The following EGLN3 variants were observed in gnomAD, a reference collection of about 807,000 sequenced individuals.
The protein encoded by EGLN3 is prolyl hydroxylase EGLN3.
Under a neutral mutation model 26.0 loss-of-function variants are expected in EGLN3, and 15 were observed. The ratio of observed to expected loss-of-function variants is 0.58; its 90% CI spans 0.39 to 0.89. The LOEUF is 0.89. EGLN3 is among the 40% of genes least tolerant of loss of function. EGLN3 has a pLI of 0.00. For missense variants in EGLN3, 238 were observed against 311.6 expected (o/e 0.76, Z 1.78); for synonymous variants, 147 against 127.2 (o/e 1.16, Z -1.05).
intron 1 of EGLN3, among the ~76,000 whole-genome samples, chr14:33,936,603 A>G (rs979996094): frequency 2.8e-4 from 42 of 152,100 alleles, no homozygotes; most frequent in Non-Finnish European, 6.0e-4. Flanking sequence ...CCATTTGGTA[A>G]TTCATCTGAG....
rs1357592178 is a variant in EGLN3, at chr14:33,927,010, A to G, written c.638T>C (p.Phe213Ser). 3.1e-6 allele frequency: 5 copies of G among 1,610,190 alleles called. No homozygotes were observed. Among genetic ancestry groups the G allele is most frequent in the Non-Finnish European group, 3.4e-6 (4 of 1,178,350 alleles). ...ATRYAMTVWYFDAEERAEAKK... is the reference protein window; with the variant it reads ...ATRYAMTVWYSDAEERAEAKK... ...GGCTTCTGCCCTTTCTTCAGCATCAAAGTACCAGACAGTCATAGCATATCT... is the reference window on the plus strand; with the variant it reads ...GGCTTCTGCCCTTTCTTCAGCATCAGAGTACCAGACAGTCATAGCATATCT... Residue 213 changes from phenylalanine to serine, a missense_variant, in exon 4 of 5, where the codon TTT becomes TCT. Transcript: ENST00000250457.
intron 1 of EGLN3, among the ~76,000 whole-genome samples, chr14:33,941,573 G>A (rs1354516978): frequency 6.8e-6 from 1 of 147,518 alleles, no homozygotes; most frequent in Non-Finnish European, 1.5e-5. Context: ...AAAAATTCTA[G>A]CTTTTTTTTT....
rs1033806578 is a variant in EGLN3, at chr14:33,925,761, G to C, written c.*130C>G. 14 of 1,002,648 alleles carry C rather than the reference G, an allele frequency of 1.4e-5. No homozygotes were observed. The Admixed American group carries it at 2.7e-4, about 19-fold the overall frequency. 62.1% of individuals were successfully genotyped at this position (1,002,648 alleles called of 1,614,324 possible). Reference sequence around the variant, plus strand: ...CATGAAGTACCACACACAAGACAGGGATGTGAAGGATGCAAGAAGTAGCAG... The same window carrying C: ...CATGAAGTACCACACACAAGACAGGCATGTGAAGGATGCAAGAAGTAGCAG... On this transcript the variant is annotated 3_prime_UTR_variant, in exon 5 of 5. Transcript: ENST00000250457.
At chr14:33,942,545 A>T (rs1475011935) in intron 1 of EGLN3, among the ~76,000 whole-genome samples, 1 of 152,200 alleles carries the variant, frequency 6.6e-6, no homozygotes, top group East Asian at 1.9e-4. Flanking sequence ...CCCAAACAGT[A>T]TATCCTTACA....
chr14:33,945,966 T>G (rs1162259359), intron 1 of EGLN3, among the ~76,000 whole-genome samples: 1 of 152,244 alleles, frequency 6.6e-6, no homozygotes, highest in Non-Finnish European at 1.5e-5. Context: ...TCCTTATTGT[T>G]TCCAGGGGAG....
intron 3 of EGLN3, among the ~76,000 whole-genome samples, chr14:33,928,296 T>C (rs1406721832): frequency 6.6e-6 from 1 of 152,130 alleles, no homozygotes; most frequent in Non-Finnish European, 1.5e-5. Context: ...ATTAGGCTTG[T>C]TAGGGTTTAA....
Position 33,925,748 on chromosome 14 carries a change from C to T in EGLN3, c.*143G>A, listed in dbSNP as rs1412531344. ...CTTGGCAAGAAAACATGAAGTACCA[C>T]ACACAAGACAGGGATGTGAAGGATG... On this transcript the variant is annotated 3_prime_UTR_variant, in exon 5 of 5. Transcript: ENST00000250457. The T allele has an allele frequency of 1.1e-6, 1 of 896,950 alleles. No homozygotes were observed. Among genetic ancestry groups the T allele is most frequent in the Non-Finnish European group, 1.8e-6 (1 of 569,248 alleles). The allele number at this position is 896,950 out of a possible 1,614,324, so 55.6% of individuals were successfully genotyped here. A position where few individuals can be genotyped will look rare whatever the true frequency, so the allele number is the denominator to read the frequency against.
intron 1 of EGLN3, among the ~76,000 whole-genome samples, chr14:33,936,632 G>T (rs1190217707): frequency 6.6e-6 from 1 of 152,096 alleles, no homozygotes; most frequent in Non-Finnish European, 1.5e-5. Context: ...AAGGGGATTA[G>T]TAGCTGGAAC....
At position 33,925,816 on chromosome 14, in the gene EGLN3, T is replaced by C. The variant is rs776134218; in HGVS notation, c.*75A>G. ...ATTGTTGTCACTGAAGAGGCCATCT[T>C]TGGATCTCAAAGAATTTAAGAGAAT... On this transcript the variant is annotated 3_prime_UTR_variant, in exon 5 of 5. Coordinates refer to ENST00000250457, the MANE Select transcript of EGLN3 (RefSeq NM_022073.4). 40 of 1,559,554 alleles carry C rather than the reference T, an allele frequency of 2.6e-5. No homozygotes were observed. The highest frequency in any genetic ancestry group is 2.9e-5 in the Non-Finnish European group (33 of 1,131,406).
intron 1 of EGLN3, among the ~76,000 whole-genome samples, chr14:33,932,035 G>A (rs1191550421): frequency 6.6e-6 from 1 of 152,198 alleles, no homozygotes; most frequent in East Asian, 1.9e-4. Context: ...AACACAGAGT[G>A]GGGAGGGGGA....
chr14:33,938,537 C>T (rs1566599607), intron 1 of EGLN3, among the ~76,000 whole-genome samples: 1 of 152,212 alleles, frequency 6.6e-6, no homozygotes, highest in Non-Finnish European at 1.5e-5. Context: ...GAGCACACCG[C>T]CAGGCAGCCT....
intron 1 of EGLN3, among the ~76,000 whole-genome samples, chr14:33,935,821 C>T (rs1464839513): frequency 6.6e-6 from 1 of 152,142 alleles, no homozygotes; most frequent in East Asian, 1.9e-4. Flanking sequence ...TGACACCTCG[C>T]TCCATCAAGT....
At chr14:33,948,869 A>G (rs2064536374) in intron 1 of EGLN3, 1 of 152,204 alleles carries the variant, frequency 6.6e-6, no homozygotes, top group Admixed American at 6.5e-5. Flanking sequence ...AACTACCAGC[A>G]TCTCAGCAAC....
intron 3 of EGLN3, among the ~76,000 whole-genome samples, chr14:33,927,455 G>A (rs894633140): frequency 1.4e-4 from 22 of 152,018 alleles, no homozygotes; most frequent in African/African-American, 3.4e-4. Context: ...CACCATGCCC[G>A]GCCTGTCTAC....
chr14:33,928,031 C>CTATAGCA (rs999605462), intron 3 of EGLN3, among the ~76,000 whole-genome samples: 11 of 152,012 alleles, frequency 7.2e-5, no homozygotes, highest in African/African-American at 2.2e-4. Flanking sequence ...GAGTTTTTTT[C>CTATAGCA]AAGGGACTTC....
At position 33,941,380 on chromosome 14, in the gene EGLN3, T is replaced by C. The variant is rs911940617; in HGVS notation, c.357+9016A>G. On this transcript the variant is annotated intron_variant, in intron 1 of 4. Transcript: ENST00000250457. ...GATCCAGGTGTGACTCGGGTATTTC[T>C]AGGGTGAAACCTAGGATTTCGAAAC... 3.3e-5 allele frequency among the ~76,000 whole-genome samples: 5 copies of C among 151,870 alleles called. No homozygotes were observed. In the East Asian group the frequency reaches 7.8e-4, roughly 24 times the overall value.
chr14:33,937,526 T>C (rs1004250032), intron 1 of EGLN3, among the ~76,000 whole-genome samples: 1 of 152,180 alleles, frequency 6.6e-6, no homozygotes, highest in African/African-American at 2.4e-5. Context: ...AGCCACCGTG[T>C]TCACCTTTCC....
At position 33,925,216 on chromosome 14, in the gene EGLN3, G is replaced by A. The variant is rs2064353335; in HGVS notation, c.*675C>T. The A allele has an allele frequency of 6.6e-6, 1 of 152,168 alleles. No homozygotes were observed. The highest frequency in any genetic ancestry group is 1.5e-5 in the Non-Finnish European group (1 of 68,032). 9.4% of individuals were successfully genotyped at this position (152,168 alleles called of 1,614,324 possible). On this transcript the variant is annotated 3_prime_UTR_variant, in exon 5 of 5. Coordinates refer to ENST00000250457, the MANE Select transcript of EGLN3 (RefSeq NM_022073.4). Reference sequence around the variant, plus strand: ...AAGAACTGAAAATGGAGAAAAAATTGTGTTGCCATCTTTATTCAGAAAGTC... The same window carrying A: ...AAGAACTGAAAATGGAGAAAAAATTATGTTGCCATCTTTATTCAGAAAGTC...
chr14:33,946,206 G>A (rs1016679142), intron 1 of EGLN3, among the ~76,000 whole-genome samples: 10 of 152,174 alleles, frequency 6.6e-5, no homozygotes, highest in East Asian at 5.8e-4. Flanking sequence ...GAGAAACCCC[G>A]TCTCTACTAA....
Sources: gnomAD v4.1 joint callset for allele counts (sites outside exome capture counted in the v4.1 genomes callset) on GRCh38, gnomAD v4.1.1 for gene constraint, MANE v1.5 for transcripts, NCBI Gene and HGNC (gene_info 2026-07-23, HGNC 2026-07-21) for gene names.